Variants in CEP128 observed in about 807,000 individuals in gnomAD.
CEP128 encodes centrosomal protein 128kDa.
CEP128 carries 132 observed loss-of-function variants against 156.7 expected under a neutral mutation model. The observed-to-expected ratio is 0.84, with a 90% CI of 0.73 to 0.97. The LOEUF is 0.97. Among genes scored for constraint, CEP128 ranks in the 50% least tolerant of loss-of-function variants. The probability of loss-of-function intolerance (pLI) is 0.00; values close to 1 mark genes in which losing one functional copy is unlikely to be tolerated. For synonymous variants in CEP128, 469 were observed against 448.9 expected, an observed-to-expected ratio of 1.04 and a Z score of -0.57; for missense variants, 1,252 against 1,281.9, an observed-to-expected ratio of 0.98 and a Z score of 0.36.
rs57402112 is a variant in CEP128, at chr14:80,596,819, C to CAAAAAAAAAAAAAAA, written c.2807-16411_2807-16397dup. ...TCTGAGTAACAGTGAGACACTGTCA[C>CAAAAAAAAAAAAAAA]AAAAAAAAAAAAAAAAAAAAAAAGG... On this transcript the variant is annotated intron_variant, in intron 19 of 24. Transcript: ENST00000555265. Among the ~76,000 whole-genome samples the CAAAAAAAAAAAAAAA allele has an allele frequency of 6.4e-4, 9 of 14,050 alleles. 4 individuals carry two copies. The highest frequency in any genetic ancestry group is 4.0e-3 in the African/African-American group (9 of 2,272). 9.2% of individuals were successfully genotyped at this position (14,050 alleles called of 152,430 possible). A position where few individuals can be genotyped will look rare whatever the true frequency, so the allele number is the denominator to read the frequency against.
At chr14:80,584,428 G>T (rs1305303116) in intron 19 of CEP128, among the ~76,000 whole-genome samples, 6 of 152,088 alleles carry the variant, frequency 3.9e-5, no homozygotes. Flanking sequence ...TTACAGGTGT[G>T]AGCCACTGCC....
At chr14:80,518,118 C>T (rs547443047) in intron 23 of CEP128, among the ~76,000 whole-genome samples, 3 of 149,236 alleles carry the variant, frequency 2.0e-5, no homozygotes, top group African/African-American at 7.4e-5. Flanking sequence ...AAGGGGGTTG[C>T]CATTGCCATC....
chr14:80,478,534 C>T (rs1373672348), intron 14 of CEP128: 1 of 152,160 alleles, frequency 6.6e-6, no homozygotes, highest in Non-Finnish European at 1.5e-5. Context: ...TGTCTGCATT[C>T]AAATTTGGGT....
chr14:80,783,893 G>A (rs1901256985), intron 15 of CEP128, among the ~76,000 whole-genome samples: 1 of 152,046 alleles, frequency 6.6e-6, no homozygotes, highest in African/African-American at 2.4e-5. Flanking sequence ...CCTCCATTCT[G>A]ACCTGCCAAT....
chr14:80,535,565 G>A (rs533810974), intron 21 of CEP128, among the ~76,000 whole-genome samples: 5 of 152,280 alleles, frequency 3.3e-5, no homozygotes, highest in African/African-American at 1.2e-4. Context: ...TCAGGACCAC[G>A]TGTCTAAACA....
chr14:80,843,885 C>T (rs76455698), intron 9 of CEP128, among the ~76,000 whole-genome samples: 192 of 151,896 alleles, frequency 1.3e-3, no homozygotes, highest in Non-Finnish European at 2.4e-3. Context: ...TCTTTTTGGA[C>T]GCTTAAACAC....
intron 12 of CEP128, among the ~76,000 whole-genome samples, chr14:80,835,000 C>T (rs560135789): frequency 6.6e-6 from 1 of 152,142 alleles, no homozygotes; most frequent in Non-Finnish European, 1.5e-5. Flanking sequence ...CCCTCATGAA[C>T]GGCTTGGTGT....
intron 23 of CEP128, among the ~76,000 whole-genome samples, chr14:80,522,778 C>T (rs1008156442): frequency 1.5e-4 from 23 of 152,150 alleles, no homozygotes; most frequent in Admixed American, 1.4e-3. Flanking sequence ...GTATGTCCTA[C>T]AGAAACCCAA....
intron 19 of CEP128, among the ~76,000 whole-genome samples, chr14:80,712,666 G>C (rs1897456859): frequency 6.6e-6 from 1 of 152,112 alleles, no homozygotes. Context: ...ATTTGTAGAA[G>C]GGTTCTCTGA....
intron 21 of CEP128, among the ~76,000 whole-genome samples, chr14:80,542,044 G>A (rs1461652348): frequency 6.6e-6 from 1 of 152,216 alleles, no homozygotes; most frequent in African/African-American, 2.4e-5. Context: ...CATGCGGTAA[G>A]CACTCAATAA....
intron 19 of CEP128, among the ~76,000 whole-genome samples, chr14:80,729,070 T>A (rs1405491838): frequency 4.2e-5 from 2 of 47,384 alleles, no homozygotes; most frequent in South Asian, 1.2e-3. Flanking sequence ...TGTGTGTGTG[T>A]GTGTGTGTGT....
intron 2 of CEP128, among the ~76,000 whole-genome samples, chr14:80,919,779 C>CTAGGAT (rs1884754291): frequency 6.6e-6 from 1 of 152,166 alleles, no homozygotes; most frequent in South Asian, 2.1e-4. Context: ...CTCACCACCA[C>CTAGGAT]TAGGATTACA....
chr14:80,814,158 T>C (rs1884715421), intron 13 of CEP128, among the ~76,000 whole-genome samples: 1 of 152,210 alleles, frequency 6.6e-6, no homozygotes, highest in Non-Finnish European at 1.5e-5. Flanking sequence ...GTGATTTTCA[T>C]TGCATTCATT....
intron 16 of CEP128, among the ~76,000 whole-genome samples, chr14:80,774,467 A>G (rs1212837863): frequency 6.6e-6 from 1 of 152,196 alleles, no homozygotes; most frequent in East Asian, 1.9e-4. Flanking sequence ...CATTGCTTAC[A>G]TGGTAATCTT....
chr14:80,836,167 A>T, intron 12 of CEP128, 38 bp downstream of exon 12: 1 of 1,600,272 alleles, frequency 6.2e-7, no homozygotes, highest in South Asian at 1.1e-5. Flanking sequence ...AAGCCCCCAC[A>T]CACATTATCA....
chr14:80,643,750 A>G (rs527715575), intron 19 of CEP128, among the ~76,000 whole-genome samples: 1 of 152,154 alleles, frequency 6.6e-6, no homozygotes, highest in South Asian at 2.1e-4. Flanking sequence ...ACAGCAATAT[A>G]CAGCCAAAAA....
chr14:80,876,676 C>A (rs190172998), intron 8 of CEP128, among the ~76,000 whole-genome samples: 30 of 136,150 alleles, frequency 2.2e-4, no homozygotes, highest in African/African-American at 6.5e-4. Flanking sequence ...GATTAAATTT[C>A]TTTAAAATAC....
At chr14:80,899,891 TCTC>T in intron 7 of CEP128, 44 bp downstream of exon 7, 1 of 1,279,392 alleles carries the variant, frequency 7.8e-7, no homozygotes, top group Non-Finnish European at 1.1e-6. Flanking sequence ...GCTAATTTAT[TCTC>T]CTCATAATTT....
chr14:80,752,049 C>T (rs1899426468), intron 18 of CEP128, among the ~76,000 whole-genome samples: 1 of 152,052 alleles, frequency 6.6e-6, no homozygotes, highest in Non-Finnish European at 1.5e-5. Flanking sequence ...GAATCCTCTA[C>T]TGAGTCCTAG....
Sources: gnomAD v4.1 joint callset for allele counts (sites outside exome capture counted in the v4.1 genomes callset) on GRCh38, gnomAD v4.1.1 for gene constraint, MANE v1.5 for transcripts, NCBI Gene and HGNC (gene_info 2026-07-23, HGNC 2026-07-21) for gene names.